FUT8: variants seen among roughly 807,000 people sequenced by gnomAD.
FUT8 encodes the protein fucosyltransferase 8.
A neutral mutation model predicts 71.3 loss-of-function variants in FUT8; 29 were observed. That is an observed-to-expected ratio of 0.41 (90% CI 0.30 to 0.55). The LOEUF is 0.55. Ranked by LOEUF, FUT8 falls within the 20% of genes least tolerant of loss-of-function variation. FUT8 has a pLI of 0.34. For missense variants in FUT8, 544 were observed against 702.1 expected, an observed-to-expected ratio of 0.77 and a Z score of 2.55; for synonymous variants, 254 against 239.3, an observed-to-expected ratio of 1.06 and a Z score of -0.57.
chr14:65,411,017 G>C (rs959580038), upstream of FUT8: 2 of 152,160 alleles, frequency 1.3e-5, no homozygotes, highest in Non-Finnish European at 2.9e-5. Flanking sequence ...TCTAAAGTAT[G>C]ACTGGTAAGA....
intron 1 of FUT8, among the ~76,000 whole-genome samples, chr14:65,453,854 C>G (rs1481614311): frequency 1.3e-5 from 2 of 152,146 alleles, no homozygotes; most frequent in African/African-American, 4.8e-5. Flanking sequence ...GTATATCATT[C>G]TAGTAATTTT....
chr14:65,411,938 C>T, upstream of FUT8: 1 of 435,832 alleles, frequency 2.3e-6, no homozygotes, highest in Non-Finnish European at 4.6e-6. Flanking sequence ...TCTGGGGCAG[C>T]CCTTCGGTCC....
the FUT8 span, among the ~76,000 whole-genome samples, chr14:65,392,117 A>T: frequency 1.3e-5 from 2 of 151,732 alleles, no homozygotes; most frequent in Non-Finnish European, 2.9e-5. Flanking sequence ...TTTTTAGCAG[A>T]GTTGGGGTTT....
At chr14:65,692,428 C>T (rs1221252138) in intron 7 of FUT8, among the ~76,000 whole-genome samples, 3 of 139,008 alleles carry the variant, frequency 2.2e-5, no homozygotes, top group South Asian at 4.6e-4. Context: ...ACCTCCCTCC[C>T]GGACGGGGCG....
At chr14:65,684,823 C>T (rs1893200487) in intron 7 of FUT8, among the ~76,000 whole-genome samples, 1 of 152,142 alleles carries the variant, frequency 6.6e-6, no homozygotes, top group Admixed American at 6.5e-5. Flanking sequence ...GAGGCCTCCC[C>T]AGCCATGTGA....
intron 3 of FUT8, among the ~76,000 whole-genome samples, 168 bp from the exon 4 acceptor site, chr14:65,615,810 A>G (rs1384621763): frequency 6.6e-6 from 1 of 152,184 alleles, no homozygotes; most frequent in Non-Finnish European, 1.5e-5. Context: ...TGTCCATTTC[A>G]CTGGTTAATC....
chr14:65,479,005 T>C (rs972840793), intron 2 of FUT8, among the ~76,000 whole-genome samples: 1 of 152,212 alleles, frequency 6.6e-6, no homozygotes, highest in Non-Finnish European at 1.5e-5. Flanking sequence ...AGGAATACTT[T>C]TTAAAACATC....
In FUT8 at chr14:65,483,184, T is replaced by A. The variant is rs1412962618; in HGVS notation, c.-228+27466T>A. 6.6e-6 allele frequency among the ~76,000 whole-genome samples: 1 copy of A among 152,234 alleles called. No homozygotes were observed. Among genetic ancestry groups the A allele is most frequent in the Non-Finnish European group, 1.5e-5 (1 of 68,038 alleles). ...CCAGTAAGTTCTGCTGGTGCAGCAC[T>A]ACAGCAACTTCCGTGCTATTCAGTG... is the stretch of plus-strand genomic sequence containing the variant. On this transcript the variant is annotated intron_variant, in intron 2 of 10. Transcript: ENST00000673929. This position sits in a 1 kb window ranked among gnomAD's most constrained non-coding sequence, Gnocchi z 4.4.
intron 2 of FUT8, among the ~76,000 whole-genome samples, chr14:65,540,964 A>G (rs372603683): frequency 3.9e-5 from 6 of 152,238 alleles, no homozygotes; most frequent in East Asian, 1.9e-4. Flanking sequence ...TAAGAAAGCT[A>G]GGCGGCACAG....
chr14:65,675,337 C>T (rs1892663070), intron 7 of FUT8, among the ~76,000 whole-genome samples: 1 of 152,140 alleles, frequency 6.6e-6, no homozygotes, highest in African/African-American at 2.4e-5. Flanking sequence ...GATTTGCAAC[C>T]TACCAGGATA....
At chr14:65,450,092 G>T (rs1213594179) in intron 1 of FUT8, among the ~76,000 whole-genome samples, 1 of 152,142 alleles carries the variant, frequency 6.6e-6, no homozygotes, top group Non-Finnish European at 1.5e-5. Context: ...GCATGTGTGT[G>T]TGGTTTCCTT....
At chr14:65,565,163 T>A (rs1201996948) in intron 3 of FUT8, among the ~76,000 whole-genome samples, 1 of 151,884 alleles carries the variant, frequency 6.6e-6, no homozygotes, top group Non-Finnish European at 1.5e-5. Context: ...GCCAGACTTT[T>A]TTAAACAACC....
intron 3 of FUT8, among the ~76,000 whole-genome samples, chr14:65,597,807 G>A (rs1452588200): frequency 1.3e-5 from 2 of 152,052 alleles, no homozygotes; most frequent in Non-Finnish European, 2.9e-5. Flanking sequence ...AACTAAATCA[G>A]TTTAACATTG....
intron 3 of FUT8, among the ~76,000 whole-genome samples, chr14:65,593,676 A>G (rs141810680): frequency 7.9e-5 from 12 of 152,220 alleles, no homozygotes; most frequent in Admixed American, 1.3e-4. Flanking sequence ...CCTGGGTTCA[A>G]GAGATTCTCC....
At chr14:65,556,344 C>T (rs1302598414) in intron 2 of FUT8, among the ~76,000 whole-genome samples, 3 of 152,158 alleles carry the variant, frequency 2.0e-5, no homozygotes, top group East Asian at 1.9e-4. Flanking sequence ...AGCTTGCTCA[C>T]GTTCACTGGT....
At chr14:65,684,174 A>G (rs895232302) in intron 7 of FUT8, among the ~76,000 whole-genome samples, 10 of 152,058 alleles carry the variant, frequency 6.6e-5, no homozygotes, top group Admixed American at 6.5e-4. Context: ...TATAATAACT[A>G]TAATATACCC....
At chr14:65,661,910 ATGGTGTGT>A (rs1311019715) in intron 6 of FUT8, among the ~76,000 whole-genome samples, 1 of 152,184 alleles carries the variant, frequency 6.6e-6, no homozygotes, top group Non-Finnish European at 1.5e-5. Flanking sequence ...CAGCGTTATG[ATGGTGTGT>A]TTACTGAATT....
chr14:65,383,265 CTTTTTTTT>C, the FUT8 span, among the ~76,000 whole-genome samples: 1,563 of 86,612 alleles, frequency 0.018, 7 homozygotes, highest in South Asian at 0.038. Flanking sequence ...TTTTTCTTTT[CTTTTTTTT>C]TTTTTTTTTT....
intron 1 of FUT8, among the ~76,000 whole-genome samples, chr14:65,439,987 T>TACACACAC (rs1555361016): frequency 7.2e-6 from 1 of 138,082 alleles, no homozygotes; most frequent in African/African-American, 2.7e-5. Context: ...TATATATATA[T>TACACACAC]ATATGTACAC....
Sources: gnomAD v4.1 joint callset for allele counts (sites outside exome capture counted in the v4.1 genomes callset) on GRCh38, gnomAD v4.1.1 for gene constraint, Gnocchi (gnomAD v3.1) non-coding constraint, MANE v1.5 for transcripts, NCBI Gene and HGNC (gene_info 2026-07-23, HGNC 2026-07-21) for gene names.